NOTCH2NLC: variants seen among roughly 807,000 people sequenced by gnomAD.
NOTCH2NLC encodes the protein notch 2 N-terminal like C, also known as notch homolog 2 N-terminal-like protein C.
NOTCH2NLC carries 4 observed loss-of-function variants against 17.7 expected under a neutral mutation model. The observed-to-expected ratio is 0.23, with a 90% CI of 0.11 to 0.52. NOTCH2NLC has a LOEUF of 0.52. NOTCH2NLC is among the 20% of genes least tolerant of loss of function. The pLI, the probability that NOTCH2NLC is intolerant of heterozygous loss-of-function variation, is 0.96. For synonymous variants in NOTCH2NLC, 18 were observed against 86.0 expected, an observed-to-expected ratio of 0.21 and a Z score of 4.38; for missense variants, 57 against 207.2, an observed-to-expected ratio of 0.28 and a Z score of 4.45.
At chr1:149,454,887 A>G (rs1458147345) in intron 2 of NOTCH2NLC, among the ~76,000 whole-genome samples, 1 of 145,624 alleles carries the variant, frequency 6.9e-6, no homozygotes, top group Non-Finnish European at 1.5e-5. Flanking sequence ...AAGTTCATGC[A>G]TTATATTGTG....
intron 3 of NOTCH2NLC, among the ~76,000 whole-genome samples, chr1:149,462,783 T>C (rs1294492538): frequency 7.3e-5 from 11 of 150,172 alleles, no homozygotes; most frequent in Admixed American, 4.7e-4. Context: ...GTTGGAACTT[T>C]AGAGTTGCCA....
At chr1:149,400,112 T>TTA (rs1213013864) in intron 1 of NOTCH2NLC, among the ~76,000 whole-genome samples, 5,139 of 138,656 alleles carry the variant, frequency 0.037, 269 homozygotes, top group African/African-American at 0.075. Context: ...GTTGATTTAT[T>TTA]TATATATATA....
At chr1:149,463,326 G>C (rs1392949732) in intron 3 of NOTCH2NLC, among the ~76,000 whole-genome samples, 165 bp from the exon 4 acceptor site, 2 of 150,190 alleles carry the variant, frequency 1.3e-5, no homozygotes, top group Admixed American at 6.7e-5. Context: ...ACTGGAGAGG[G>C]CTCTGTGTCA....
At chr1:149,424,286 C>T (rs1254463616) in intron 1 of NOTCH2NLC, among the ~76,000 whole-genome samples, 1 of 150,942 alleles carries the variant, frequency 6.6e-6, no homozygotes, top group African/African-American at 2.4e-5. Flanking sequence ...TATTGTATTT[C>T]TTAAAAGTTC....
intron 2 of NOTCH2NLC, among the ~76,000 whole-genome samples, chr1:149,435,828 C>T (rs1303717175): frequency 2.8e-5 from 4 of 142,676 alleles, no homozygotes; most frequent in African/African-American, 7.8e-5. Context: ...TCCTCAGTAT[C>T]GCAGGACTTC....
At chr1:149,399,788 ATTCT>A (rs1220526660) in intron 1 of NOTCH2NLC, among the ~76,000 whole-genome samples, 2 of 140,316 alleles carry the variant, frequency 1.4e-5, no homozygotes, top group Non-Finnish European at 3.1e-5. Context: ...TCTCTGACAT[ATTCT>A]TTCTAAGAGA....
chr1:149,416,691 T>G lies in NOTCH2NLC; in HGVS notation c.136-14251T>G, dbSNP rs1274603398. On this transcript the variant is annotated intron_variant, in intron 1 of 4. Transcript: ENST00000650865. ...GATGGTATCTTGTCAGTGTCAATTTTACAAAGAAAAAATTCTAAACAATTT... is the reference window on the plus strand; with the variant it reads ...GATGGTATCTTGTCAGTGTCAATTTGACAAAGAAAAAATTCTAAACAATTT... Among the ~76,000 whole-genome samples the G allele has an allele frequency of 2.0e-5, 3 of 148,590 alleles. No homozygotes were observed. The East Asian group carries it at 5.9e-4, about 29-fold the overall frequency.
Position 149,390,802 on chromosome 1 carries a change from A to AGGCGGCGGTGGCGGCGGC in NOTCH2NLC, c.23_24insTGGCGGCGGCGGCGGCGG (p.Gly13_Gly18dup). The AGGCGGCGGTGGCGGCGGC allele has an allele frequency of 1.1e-6, 1 of 948,690 alleles. No individual in the cohort carries two copies. Among genetic ancestry groups the AGGCGGCGGTGGCGGCGGC allele is most frequent in the Non-Finnish European group, 1.3e-6 (1 of 748,852 alleles). 58.8% of individuals were successfully genotyped at this position (948,690 alleles called of 1,614,324 possible). A position where few individuals can be genotyped will look rare whatever the true frequency, so the allele number is the denominator to read the frequency against. ...ACCCCCTCCCCATGTGGATCTGCCC[A>AGGCGGCGGTGGCGGCGGC]GGCGGCGGCGGCGGCGGCGGCGGCG... On this transcript the variant is annotated inframe_insertion, in exon 1 of 5. Transcript: ENST00000650865.
At position 149,467,489 on chromosome 1, in the gene NOTCH2NLC, A is replaced by G. The variant is rs2084691925; in HGVS notation, c.*3336A>G. Reference sequence around the variant, plus strand: ...GAGGGAGGAGAAAAATATCTTCAAGAGAGAACTAATAGAATCAAATCAATG... The same window carrying G: ...GAGGGAGGAGAAAAATATCTTCAAGGGAGAACTAATAGAATCAAATCAATG... On this transcript the variant is annotated 3_prime_UTR_variant, in exon 5 of 5. Coordinates refer to ENST00000650865, the MANE Select transcript of NOTCH2NLC (RefSeq NM_001364013.2). 7.2e-6 allele frequency: 1 copy of G among 138,042 alleles called. No homozygotes were observed. The highest frequency in any genetic ancestry group is 2.6e-5 in the African/African-American group (1 of 37,818). 8.6% of individuals were successfully genotyped at this position (138,042 alleles called of 1,614,324 possible).
chr1:149,402,330 C>G (rs1397038110), intron 1 of NOTCH2NLC, among the ~76,000 whole-genome samples: 2 of 150,906 alleles, frequency 1.3e-5, no homozygotes, highest in Non-Finnish European at 3.0e-5. Flanking sequence ...ATCCACCCAC[C>G]TCAGCCTCCC....
In NOTCH2NLC at chr1:149,460,899, CTTTCTTT is replaced by C. The variant is rs2084644669; in HGVS notation, c.470-2591_470-2585del. ...TCTTTCTTTCTTTCTTTCTTTCTTTCTTTCTTTCTTTCTTTCTCTCTCTTTCTCTCTT... is the reference window on the plus strand; with the variant it reads ...TCTTTCTTTCTTTCTTTCTTTCTTTCCTTTCTTTCTCTCTCTTTCTCTCTT... On this transcript the variant is annotated intron_variant, in intron 3 of 4. Transcript: ENST00000650865. Among the ~76,000 whole-genome samples the C allele has an allele frequency of 4.7e-4, 58 of 124,514 alleles. 3 individuals are homozygous for C. Among genetic ancestry groups the C allele is most frequent in the Non-Finnish European group, 9.1e-4 (51 of 56,168 alleles). The allele number at this position is 124,514 out of a possible 152,430, so 81.7% of individuals were successfully genotyped here.
intron 1 of NOTCH2NLC, among the ~76,000 whole-genome samples, chr1:149,400,139 A>ATTTTT (rs1176135315): frequency 5.3e-5 from 7 of 131,976 alleles, no homozygotes; most frequent in African/African-American, 2.0e-4. Context: ...TATAATATAT[A>ATTTTT]TTTTTTTTTT....
In NOTCH2NLC at chr1:149,417,097, C is replaced by CTTTTTTTTTTT. The variant is rs1171555647; in HGVS notation, c.136-13825_136-13815dup. On this transcript the variant is annotated intron_variant, in intron 1 of 4. Transcript: ENST00000650865. The stretch of plus-strand genomic sequence containing the variant: ...AGATTATGGTGGATATCAGGTTTTC[C>CTTTTTTTTTTT]TTTTTTTTTTTTTTTTTTTTTTTTT... Among the ~76,000 whole-genome samples the CTTTTTTTTTTT allele has an allele frequency of 4.3e-5, 3 of 69,570 alleles. 1 individual carries two copies. The highest frequency in any genetic ancestry group is 6.7e-4 in the South Asian group (1 of 1,492). The allele number at this position is 69,570 out of a possible 152,430, so 45.6% of individuals were successfully genotyped here. A position where few individuals can be genotyped will look rare whatever the true frequency, so the allele number is the denominator to read the frequency against.
At chr1:149,441,254 C>T (rs1451968990) in intron 2 of NOTCH2NLC, among the ~76,000 whole-genome samples, 1 of 103,698 alleles carries the variant, frequency 9.6e-6, no homozygotes, top group Non-Finnish European at 2.0e-5. Context: ...ATATCACTGG[C>T]CAGATCTGAT....
At chr1:149,414,666 A>T (rs1440119746) in intron 1 of NOTCH2NLC, among the ~76,000 whole-genome samples, 7 of 150,764 alleles carry the variant, frequency 4.6e-5, no homozygotes, top group Non-Finnish European at 1.5e-5. Flanking sequence ...TTTAGCCCAT[A>T]AATATGGAGA....
intron 2 of NOTCH2NLC, among the ~76,000 whole-genome samples, chr1:149,446,713 T>C (rs2084556023): frequency 1.1e-5 from 1 of 87,652 alleles, no homozygotes; most frequent in African/African-American, 5.0e-5. Context: ...GAGTTTAAAA[T>C]GGAAAAATTC....
chr1:149,438,942 C>T (rs2084499296), intron 2 of NOTCH2NLC, among the ~76,000 whole-genome samples: 1 of 148,684 alleles, frequency 6.7e-6, no homozygotes, highest in Non-Finnish European at 1.5e-5. Flanking sequence ...TCTCAAATTC[C>T]TGGGCTCAAG....
Position 149,436,687 on chromosome 1 carries a change from A to G in NOTCH2NLC, c.209+5672A>G, listed in dbSNP as rs2084484190. Among the ~76,000 whole-genome samples the G allele has an allele frequency of 2.7e-5, 4 of 150,238 alleles. No homozygotes were observed. The South Asian group carries it at 8.4e-4, about 32-fold the overall frequency. On this transcript the variant is annotated intron_variant, in intron 2 of 4. Transcript: ENST00000650865. ...AGATCAAAGAAATAGACAGGGAAAA[A>G]TATCAACTGTTAAATTGCTTTCTCT...
At chr1:149,462,898 C>T (rs2101514171) in intron 3 of NOTCH2NLC, among the ~76,000 whole-genome samples, 1 of 131,866 alleles carries the variant, frequency 7.6e-6, no homozygotes, top group Non-Finnish European at 1.6e-5. Flanking sequence ...TGCAGTGGTA[C>T]AATCTCGGCT....
Sources: allele counts gnomAD v4.1 joint callset (sites outside exome capture counted in the v4.1 genomes callset), GRCh38; gene constraint gnomAD v4.1.1; transcripts MANE v1.5; gene names NCBI Gene and HGNC (gene_info 2026-07-23, HGNC 2026-07-21).